The following PCDH9 variants were observed in gnomAD, a reference collection of about 807,000 sequenced individuals.
PCDH9 encodes the protein protocadherin-9.
Under a neutral mutation model 70.6 loss-of-function variants are expected in PCDH9, and 24 were observed. That is an observed-to-expected ratio of 0.34 (90% confidence interval 0.25 to 0.48). The LOEUF is 0.48. PCDH9 is among the 20% of genes least tolerant of loss of function. The probability of loss-of-function intolerance (pLI) is 0.99; values close to 1 mark genes in which losing one functional copy is unlikely to be tolerated. For missense variants in PCDH9, 1,281 were observed against 1,503.6 expected (o/e 0.85, Z 2.45); for synonymous variants, 562 against 558.5 (o/e 1.01, Z -0.09).
chr13:67,048,384 A>AGTG (rs2085262699), intron 2 of PCDH9, among the ~76,000 whole-genome samples: 1 of 152,166 alleles, frequency 6.6e-6, no homozygotes, highest in Admixed American at 6.5e-5. Flanking sequence ...TCTGAAGACA[A>AGTG]GCCCTGGCCC....
intron 3 of PCDH9, among the ~76,000 whole-genome samples, chr13:66,635,415 T>A (rs549875145): frequency 3.6e-4 from 55 of 152,242 alleles, no homozygotes; most frequent in African/African-American, 1.3e-3. Flanking sequence ...CCACTATGAA[T>A]TCTGATTAGG....
At chr13:67,007,303 G>T (rs1415057245) in intron 2 of PCDH9, among the ~76,000 whole-genome samples, 1 of 151,890 alleles carries the variant, frequency 6.6e-6, no homozygotes, top group Admixed American at 6.6e-5. Context: ...AGTATTAAAA[G>T]ATAAAATTTT....
intron 3 of PCDH9, among the ~76,000 whole-genome samples, chr13:66,829,833 A>G (rs1240278402): frequency 6.7e-6 from 1 of 148,958 alleles, no homozygotes; most frequent in Non-Finnish European, 1.5e-5. Context: ...TTTTTAGCCT[A>G]TTTTTAACTT....
intron 2 of PCDH9, among the ~76,000 whole-genome samples, chr13:66,969,250 T>C (rs1432695205): frequency 1.3e-5 from 2 of 152,022 alleles, no homozygotes; most frequent in African/African-American, 2.4e-5. Flanking sequence ...TATGAATCAG[T>C]GTTAAGCCCA....
chr13:66,642,701 A>G (rs1022766426), intron 3 of PCDH9, among the ~76,000 whole-genome samples: 2 of 152,076 alleles, frequency 1.3e-5, no homozygotes, highest in African/African-American at 4.8e-5. Context: ...TATTTTTTAA[A>G]AAAAGAAATC....
At chr13:66,577,584 G>A (rs1288013582) in intron 4 of PCDH9, among the ~76,000 whole-genome samples, 1 of 151,878 alleles carries the variant, frequency 6.6e-6, no homozygotes, top group East Asian at 1.9e-4. Flanking sequence ...ACACTGCATA[G>A]GATAGATAGT....
intron 4 of PCDH9, among the ~76,000 whole-genome samples, chr13:66,405,800 G>A (rs1363451162): frequency 2.0e-5 from 3 of 152,148 alleles, no homozygotes; most frequent in Non-Finnish European, 4.4e-5. Flanking sequence ...TGTGGCAACC[G>A]TATGTCTTGG....
intron 3 of PCDH9, among the ~76,000 whole-genome samples, chr13:66,654,307 CA>C (rs556531005): frequency 7.5e-4 from 114 of 151,854 alleles, no homozygotes; most frequent in African/African-American, 2.7e-3. Flanking sequence ...GAATGGTTAC[CA>C]GGGGCTGGTA....
intron 3 of PCDH9, among the ~76,000 whole-genome samples, chr13:66,654,968 C>T (rs1165369912): frequency 6.6e-6 from 1 of 152,020 alleles, no homozygotes; most frequent in East Asian, 1.9e-4. Flanking sequence ...TCAAGCAATA[C>T]ACTCACCTTG....
At chr13:66,404,369 A>T (rs1386647800) in intron 4 of PCDH9, among the ~76,000 whole-genome samples, 1 of 152,176 alleles carries the variant, frequency 6.6e-6, no homozygotes, top group Non-Finnish European at 1.5e-5. Flanking sequence ...GAATGAAAAT[A>T]TGGTTTTATT....
chr13:66,917,217 A>C (rs969754967), intron 2 of PCDH9, among the ~76,000 whole-genome samples: 1 of 151,496 alleles, frequency 6.6e-6, no homozygotes, highest in South Asian at 2.1e-4. Flanking sequence ...CTTCATGTGT[A>C]AACAAGCATA....
intron 2 of PCDH9, among the ~76,000 whole-genome samples, chr13:67,159,697 A>C (rs540490521): frequency 3.5e-4 from 53 of 151,332 alleles, no homozygotes; most frequent in Admixed American, 9.8e-4. Context: ...TTTTGGCCTG[A>C]AAAATGGTAA....
intron 3 of PCDH9, among the ~76,000 whole-genome samples, chr13:66,689,887 T>C (rs2078458072): frequency 6.6e-6 from 1 of 152,156 alleles, no homozygotes; most frequent in Non-Finnish European, 1.5e-5. Flanking sequence ...TTATTGAATG[T>C]TTCTTGTCTT....
chr13:66,347,117 A>G lies in PCDH9; in HGVS notation c.3341-42089T>C, dbSNP rs2138159543. On this transcript the variant is annotated intron_variant, in intron 4 of 4. Coordinates refer to ENST00000377865, the MANE Select transcript of PCDH9 (RefSeq NM_203487.3). Reference sequence around the variant, plus strand: ...TTACAGCTAGCTATATAAATTTTATACACTGATATAAAATGTACCTGGCAT... The same window carrying G: ...TTACAGCTAGCTATATAAATTTTATGCACTGATATAAAATGTACCTGGCAT... Among the ~76,000 whole-genome samples, 3 of 152,334 alleles carry G rather than the reference A, an allele frequency of 2.0e-5. No homozygotes were observed. In the South Asian group the frequency reaches 6.2e-4, roughly 32 times the overall value.
intron 3 of PCDH9, among the ~76,000 whole-genome samples, chr13:66,823,770 C>A (rs982025423): frequency 2.6e-5 from 4 of 152,082 alleles, no homozygotes; most frequent in African/African-American, 7.2e-5. Context: ...AGAACTCATA[C>A]AATTGTCCAC....
intron 2 of PCDH9, among the ~76,000 whole-genome samples, chr13:67,045,210 G>A (rs1184141923): frequency 1.3e-5 from 2 of 152,058 alleles, no homozygotes; most frequent in Non-Finnish European, 2.9e-5. Flanking sequence ...CCAACTGTAA[G>A]GCCTGATGTG....
intron 2 of PCDH9, among the ~76,000 whole-genome samples, chr13:66,968,427 T>C (rs761155802): frequency 6.6e-6 from 1 of 152,008 alleles, no homozygotes; most frequent in Non-Finnish European, 1.5e-5. Context: ...GCATGACTCA[T>C]AGTCCACTTA....
intron 4 of PCDH9, among the ~76,000 whole-genome samples, chr13:66,380,728 G>A (rs949837751): frequency 2.6e-5 from 4 of 151,568 alleles, no homozygotes; most frequent in African/African-American, 4.8e-5. Context: ...TATTTTTAGT[G>A]GAGACGGGGT....
intron 4 of PCDH9, among the ~76,000 whole-genome samples, chr13:66,320,616 G>C (rs1054918171): frequency 6.6e-6 from 1 of 151,794 alleles, no homozygotes; most frequent in Non-Finnish European, 1.5e-5. Context: ...AATGTAAATG[G>C]AACACCAAGA....
Sources: gnomAD v4.1 joint callset for allele counts (sites outside exome capture counted in the v4.1 genomes callset) on GRCh38, gnomAD v4.1.1 for gene constraint, MANE v1.5 for transcripts, NCBI Gene and HGNC (gene_info 2026-07-23, HGNC 2026-07-21) for gene names.